The following RNASEH1 variants were observed in gnomAD, a reference collection of about 807,000 sequenced individuals.
RNASEH1 encodes ribonuclease H type II.
A neutral mutation model predicts 34.6 loss-of-function variants in RNASEH1; 27 were observed. The ratio of observed to expected loss-of-function variants is 0.78; its 90% confidence interval spans 0.58 to 1.08. The LOEUF (loss-of-function observed/expected upper bound fraction) is 1.08, where lower values mean the gene tolerates loss of function less well. Ranked by LOEUF, RNASEH1 falls within the 50% of genes least tolerant of loss-of-function variation. The pLI, the probability that RNASEH1 is intolerant of heterozygous loss-of-function variation, is 0.00. For synonymous variants in RNASEH1, 162 were observed against 138.4 expected, an observed-to-expected ratio of 1.17 and a Z score of -1.20; for missense variants, 349 against 373.6, an observed-to-expected ratio of 0.93 and a Z score of 0.54.
In RNASEH1 at chr2:3,556,788, C is replaced by T; in HGVS notation, c.244+1G>A. The T allele has an allele frequency of 6.2e-7, 1 of 1,604,134 alleles. No individual in the cohort carries two copies. The highest frequency in any genetic ancestry group is 8.5e-7 in the Non-Finnish European group (1 of 1,170,834). ...GTCACACTGATATGAGAGGTGACTA[C>T]CTTCTGAAACTTCCGGGCTTGCAGA... On this transcript the variant is annotated splice_donor_variant, in intron 2 of 7. Transcript: ENST00000315212. LOFTEE classifies it high-confidence loss of function.
At chr2:3,557,973 C>T in intron 1 of RNASEH1, 160 bp downstream of exon 1, 2 of 1,495,882 alleles carry the variant, frequency 1.3e-6, no homozygotes, top group Non-Finnish European at 1.8e-6. Flanking sequence ...TGGAACCCCG[C>T]CGGCCGAGCA....
rs1283834618 is a variant in RNASEH1, at chr2:3,549,091, A to C, written c.531T>G (p.Pro177=). Reference sequence around the variant, plus strand: ...CCGCTCTTTGGTTTGTCTGCCGCCCAGGAAGTCTAATGCCTACATTTCTGT... The same window carrying C: ...CCGCTCTTTGGTTTGTCTGCCGCCCCGGAAGTCTAATGCCTACATTTCTGT... The part of the protein sequence containing the change: ...GHPLNVGIRL[P]GRQTNQRAEI... Residue 177 remains proline (P), a synonymous_variant, in exon 5 of 8, where the codon CCT becomes CCG. Transcript: ENST00000315212. The C allele has an allele frequency of 7.4e-6, 12 of 1,613,610 alleles. No individual in the cohort carries two copies. Among genetic ancestry groups the C allele is most frequent in the Non-Finnish European group, 1.0e-5 (12 of 1,179,616 alleles).
chr2:3,558,194 G>A lies in RNASEH1; in HGVS notation c.67C>T (p.Arg23Cys). 6.2e-7 allele frequency: 1 copy of A among 1,601,876 alleles called. No individual in the cohort carries two copies. The highest frequency in any genetic ancestry group is 8.5e-7 in the Non-Finnish European group (1 of 1,175,932). ...LAALPCRRGS[R>C]GFGMFYAVRR... ...ACGGCATAGAACATCCCGAACCCGC[G>A]AGAGCCGCGGCGGCAGGGCAAGGCG... The change falls in exon 1 of 8, where the codon CGC becomes TGC. Residue 23 changes from arginine to cysteine, a missense_variant. By Grantham distance (180) the Arg-to-Cys change is radical. Coordinates refer to ENST00000315212, the MANE Select transcript of RNASEH1 (RefSeq NM_002936.6).
intron 2 of RNASEH1, among the ~76,000 whole-genome samples, chr2:3,554,974 G>C (rs1159142770): frequency 6.6e-6 from 1 of 152,158 alleles, no homozygotes; most frequent in Non-Finnish European, 1.5e-5. Flanking sequence ...GTGAACTATG[G>C]GAAGAATTTA....
chr2:3,548,573 A>G, intron 6 of RNASEH1, 67 bp downstream of exon 6: 11 of 1,102,548 alleles, frequency 1.0e-5, no homozygotes, highest in Non-Finnish European at 1.2e-5. Context: ...GCCCTGTTAC[A>G]ACACCTCCTA....
At chr2:3,555,268 A>T (rs1660374061) in intron 2 of RNASEH1, among the ~76,000 whole-genome samples, 1 of 152,132 alleles carries the variant, frequency 6.6e-6, no homozygotes, top group Non-Finnish European at 1.5e-5. Context: ...TCAGGACACT[A>T]GTCCACCATC....
intron 2 of RNASEH1, among the ~76,000 whole-genome samples, chr2:3,554,818 A>G (rs4849986): frequency 0.68 from 103,469 of 152,154 alleles, 36,342 homozygotes; most frequent in African/African-American, 0.86. Flanking sequence ...AAGAAGGAAA[A>G]AGCCATATTT....
chr2:3,532,351 A>G, the RNASEH1 span: 1 of 702,368 alleles, frequency 1.4e-6, no homozygotes, highest in Non-Finnish European at 2.6e-6. Flanking sequence ...CGAGTGGTTC[A>G]CAGGTGCCAG....
intron 6 of RNASEH1, among the ~76,000 whole-genome samples, 161 bp from the exon 7 acceptor site, chr2:3,548,216 C>A (rs1164189754): frequency 5.9e-5 from 9 of 152,192 alleles, no homozygotes; most frequent in African/African-American, 2.2e-4. Flanking sequence ...TTTGGCACAG[C>A]CTGAAATACC....
chr2:3,532,544 C>T, the RNASEH1 span, among the ~76,000 whole-genome samples: 38 of 152,162 alleles, frequency 2.5e-4, no homozygotes, highest in African/African-American at 8.4e-4. Context: ...ACCCGGGCCA[C>T]GTGGCACAGT....
At chr2:3,549,188 T>C (rs1263684560) in intron 4 of RNASEH1, 76 bp from the exon 5 acceptor site, 2 of 1,048,526 alleles carry the variant, frequency 1.9e-6, no homozygotes, top group African/African-American at 3.2e-5. Flanking sequence ...TGGATAACGA[T>C]AAACTAGTGT....
downstream of RNASEH1, among the ~76,000 whole-genome samples, chr2:3,540,388 A>C (rs939207737): frequency 6.6e-6 from 1 of 151,922 alleles, no homozygotes; most frequent in Non-Finnish European, 1.5e-5. Context: ...GGCTTCATGC[A>C]CTTTCTGCTG....
At chr2:3,532,427 C>T in the RNASEH1 span, 2 of 694,598 alleles carry the variant, frequency 2.9e-6, no homozygotes, top group Non-Finnish European at 5.3e-6. Context: ...GAGTGCTGAA[C>T]TCCCAAGGGG....
intron 3 of RNASEH1, among the ~76,000 whole-genome samples, chr2:3,551,771 T>C (rs1481630982): frequency 6.6e-6 from 1 of 152,182 alleles, no homozygotes; most frequent in Non-Finnish European, 1.5e-5. Flanking sequence ...TTTCCAAAGA[T>C]TGAATATGAA....
intron 2 of RNASEH1, among the ~76,000 whole-genome samples, chr2:3,556,361 A>G (rs1478942027): frequency 1.4e-5 from 2 of 142,978 alleles, no homozygotes; most frequent in Non-Finnish European, 3.0e-5. Flanking sequence ...GCTGGAGTGC[A>G]GTGGTGCAAT....
rs201104222 is a variant in RNASEH1 at position 3,552,190 on chromosome 2, G to T, written c.363C>A (p.Ser121Arg). The T allele has an allele frequency of 6.2e-7, 1 of 1,612,182 alleles. No homozygotes were observed. The highest frequency in any genetic ancestry group is 8.5e-7 in the Non-Finnish European group (1 of 1,179,774). Reference sequence around the variant, plus strand: ...TGCTAACTGGAGGCGCCGGCTCCACGCTCGGCTTCATGTGCTTTGCATACG... The same window carrying T: ...TGCTAACTGGAGGCGCCGGCTCCACTCTCGGCTTCATGTGCTTTGCATACG... ...AEPYAKHMKPSVEPAPPVSRD... is the reference protein window; with the variant it reads ...AEPYAKHMKPRVEPAPPVSRD... The change falls in exon 3 of 8, where the codon AGC becomes AGA. Residue 121 changes from serine (S) to arginine (R), a missense_variant. Ser to Arg is a moderately radical substitution (Grantham distance 110, BLOSUM62 -1). This residue lies in a region of RNASEH1 where 256 missense variants were observed against 240.7 expected (regional missense o/e 1.06). Transcript: ENST00000315212.
rs1331613616 is a variant in RNASEH1 at position 3,544,722 on chromosome 2, G to A, written c.*1063C>T. On this transcript the variant is annotated 3_prime_UTR_variant, in exon 8 of 8. Transcript: ENST00000315212. ...ATTTGTTTTGTGTCACTTCCTGTAT[G>A]TTTTTATAATAAAAAGGTTTAAAAC... 2.6e-5 allele frequency: 4 copies of A among 151,496 alleles called. No homozygotes were observed. Among genetic ancestry groups the A allele is most frequent in the Non-Finnish European group, 5.9e-5 (4 of 67,938 alleles). 9.4% of individuals were successfully genotyped at this position (151,496 alleles called of 1,614,324 possible). A position where few individuals can be genotyped will look rare whatever the true frequency, so the allele number is the denominator to read the frequency against.
chr2:3,534,153 T>C, the RNASEH1 span: 1 of 152,298 alleles, frequency 6.6e-6, no homozygotes, highest in Non-Finnish European at 1.5e-5. Flanking sequence ...CCCTCAACGC[T>C]GGGAGCTGTT....
chr2:3,555,027 C>T (rs1036325165), intron 2 of RNASEH1, among the ~76,000 whole-genome samples: 1 of 152,168 alleles, frequency 6.6e-6, no homozygotes, highest in African/African-American at 2.4e-5. Context: ...CCAAAACTAA[C>T]CCCCAAGGAG....
Sources: gnomAD v4.1 joint callset for allele counts (sites outside exome capture counted in the v4.1 genomes callset) on GRCh38, gnomAD v4.1.1 for gene constraint, gnomAD v4.1.1 regional missense constraint, MANE v1.5 for transcripts, NCBI Gene and HGNC (gene_info 2026-07-23, HGNC 2026-07-21) for gene names.